CTDSPL2: variants seen among roughly 807,000 people sequenced by gnomAD.
CTDSPL2 encodes CTD small phosphatase like 2, also known as CTD small phosphatase-like protein 2.
In CTDSPL2, 5 loss-of-function variants were observed where a neutral mutation model predicts 60.0. The observed-to-expected ratio is 0.08, with a 90% CI of 0.04 to 0.18. The LOEUF (loss-of-function observed/expected upper bound fraction) is 0.18, where lower values mean the gene tolerates loss of function less well. Ranked by LOEUF, CTDSPL2 falls within the 10% of genes least tolerant of loss-of-function variation. CTDSPL2 has a pLI of 1.00. For synonymous variants in CTDSPL2, 186 were observed against 189.3 expected (o/e 0.98, Z 0.14); for missense variants, 370 against 548.8 (o/e 0.67, Z 3.26).
At chr15:44,444,873 A>G (rs765621014) in intron 1 of CTDSPL2, among the ~76,000 whole-genome samples, 33 of 83,406 alleles carry the variant, frequency 4.0e-4, no homozygotes, top group Non-Finnish European at 5.3e-4. Context: ...TTTTAGACGG[A>G]GTCTCCCTCT....
chr15:44,431,113 C>A (rs543081716), intron 1 of CTDSPL2, among the ~76,000 whole-genome samples: 1 of 151,466 alleles, frequency 6.6e-6, no homozygotes, highest in Non-Finnish European at 1.5e-5. Context: ...TGAGCCACCG[C>A]ATCTGGCCCA....
chr15:44,475,564 G>C (rs1321027865), intron 2 of CTDSPL2, among the ~76,000 whole-genome samples: 1 of 151,608 alleles, frequency 6.6e-6, no homozygotes, highest in Non-Finnish European at 1.5e-5. Context: ...GCTTGAACGT[G>C]GGAGGTGGAG....
chr15:44,451,717 T>G (rs541186078), intron 1 of CTDSPL2, among the ~76,000 whole-genome samples: 1 of 152,334 alleles, frequency 6.6e-6, no homozygotes, highest in African/African-American at 2.4e-5. Context: ...CGTCAAAAGT[T>G]GTTGGTTGTT....
chr15:44,448,668 C>T, intron 1 of CTDSPL2: 3 of 329,162 alleles, frequency 9.1e-6, no homozygotes, highest in South Asian at 2.8e-5. Context: ...TAAATCCATG[C>T]CCTCCATTCT....
At chr15:44,438,296 G>A (rs534305147) in intron 1 of CTDSPL2, among the ~76,000 whole-genome samples, 112 of 152,022 alleles carry the variant, frequency 7.4e-4, no homozygotes, top group African/African-American at 2.7e-3. Flanking sequence ...GCAGCAAATA[G>A]CAATGAAAAC....
chr15:44,491,071 C>T (rs2081206078), intron 5 of CTDSPL2, 72 bp downstream of exon 5: 2 of 1,156,782 alleles, frequency 1.7e-6, no homozygotes, highest in South Asian at 2.7e-5. Context: ...CATATTTTTT[C>T]TTAAATGAGC....
chr15:44,442,267 A>G (rs530359741), intron 1 of CTDSPL2, among the ~76,000 whole-genome samples: 6 of 152,260 alleles, frequency 3.9e-5, no homozygotes, highest in East Asian at 3.9e-4. Flanking sequence ...CATGGCCAAC[A>G]TGGTGAAACC....
intron 1 of CTDSPL2, chr15:44,428,063 T>C: frequency 5.4e-6 from 1 of 184,306 alleles, no homozygotes; most frequent in Non-Finnish European, 1.1e-5. Context: ...CCACCCCCAC[T>C]CCGATCTCAA....
At chr15:44,501,221 T>C (rs1175859078) in intron 8 of CTDSPL2, among the ~76,000 whole-genome samples, 1 of 152,100 alleles carries the variant, frequency 6.6e-6, no homozygotes, top group African/African-American at 2.4e-5. Flanking sequence ...AAAATGGCTT[T>C]AAGGCTTTGA....
chr15:44,497,165 G>C (rs1316155108), intron 7 of CTDSPL2, 27 bp downstream of exon 7: 5 of 1,213,488 alleles, frequency 4.1e-6, no homozygotes, highest in Non-Finnish European at 5.9e-6. Context: ...TAGAGGTAGA[G>C]AGAATAAAGG....
chr15:44,508,003 G>A lies in CTDSPL2; in HGVS notation c.970-6595G>A, dbSNP rs567661621. 2.6e-5 allele frequency among the ~76,000 whole-genome samples: 4 copies of A among 152,008 alleles called. No individual in the cohort carries two copies. The South Asian group carries it at 8.3e-4, about 31-fold the overall frequency. ...GGTATACAGAAGAGTTAAAAAATTG[G>A]TACAGCCACTTGTACACTTGTGGTA... On this transcript the variant is annotated intron_variant, in intron 8 of 12. Transcript: ENST00000260327.
intron 1 of CTDSPL2, among the ~76,000 whole-genome samples, chr15:44,457,184 A>C (rs1030856380): frequency 1.3e-5 from 2 of 152,116 alleles, no homozygotes; most frequent in Non-Finnish European, 2.9e-5. Flanking sequence ...GCCTGCTTTG[A>C]AGCCAGGCAC....
At chr15:44,453,423 A>G (rs1433997260) in intron 1 of CTDSPL2, among the ~76,000 whole-genome samples, 1 of 149,820 alleles carries the variant, frequency 6.7e-6, no homozygotes, top group South Asian at 2.1e-4. Context: ...TTTGTTTTTT[A>G]CTTAAATTCT....
At chr15:44,430,914 T>C (rs1251620361) in intron 1 of CTDSPL2, among the ~76,000 whole-genome samples, 1 of 151,882 alleles carries the variant, frequency 6.6e-6, no homozygotes, top group Non-Finnish European at 1.5e-5. Context: ...CTCCACCTCC[T>C]GGGTTCAAGT....
intron 2 of CTDSPL2, among the ~76,000 whole-genome samples, chr15:44,469,548 C>T (rs950811713): frequency 1.3e-5 from 2 of 151,650 alleles, no homozygotes; most frequent in African/African-American, 4.8e-5. Flanking sequence ...TTTATTTTGA[C>T]CCATGGATTA....
chr15:44,431,522 C>T (rs955343347), intron 1 of CTDSPL2, among the ~76,000 whole-genome samples: 4 of 152,120 alleles, frequency 2.6e-5, no homozygotes, highest in African/African-American at 9.7e-5. Flanking sequence ...TTATATCTCT[C>T]CAGTGTTTTT....
At chr15:44,489,759 C>A (rs1203752366) in intron 4 of CTDSPL2, among the ~76,000 whole-genome samples, 1 of 152,166 alleles carries the variant, frequency 6.6e-6, no homozygotes, top group Non-Finnish European at 1.5e-5. Flanking sequence ...TATTAAACTT[C>A]TTTGCGATTG....
At chr15:44,436,222 T>A (rs2079979854) in intron 1 of CTDSPL2, among the ~76,000 whole-genome samples, 1 of 152,212 alleles carries the variant, frequency 6.6e-6, no homozygotes, top group Non-Finnish European at 1.5e-5. Context: ...AATTTAGTAA[T>A]CATACCATTT....
intron 1 of CTDSPL2, among the ~76,000 whole-genome samples, chr15:44,457,794 T>G (rs1439400111): frequency 6.6e-6 from 1 of 152,198 alleles, no homozygotes; most frequent in Non-Finnish European, 1.5e-5. Context: ...GTATTTTTAG[T>G]AGAGACAGGG....
Sources: allele counts gnomAD v4.1 joint callset (sites outside exome capture counted in the v4.1 genomes callset), GRCh38; gene constraint gnomAD v4.1.1; transcripts MANE v1.5; gene names NCBI Gene and HGNC (gene_info 2026-07-23, HGNC 2026-07-21).